The following ARFGEF3 variants were observed in gnomAD, a reference collection of about 807,000 sequenced individuals.
ARFGEF3 encodes ARFGEF family member 3, also known as brefeldin A-inhibited guanine nucleotide-exchange protein 3.
In ARFGEF3, 96 loss-of-function variants were observed where a neutral mutation model predicts 221.7. The ratio of observed to expected loss-of-function variants is 0.43; its 90% CI spans 0.37 to 0.51. ARFGEF3 has a LOEUF of 0.51. Ranked by LOEUF, ARFGEF3 falls within the 20% of genes least tolerant of loss-of-function variation. ARFGEF3 has a pLI of 0.00. For missense variants in ARFGEF3, 2,410 were observed against 2,789.9 expected, an observed-to-expected ratio of 0.86 and a Z score of 3.07; for synonymous variants, 1,145 against 1,126.8, an observed-to-expected ratio of 1.02 and a Z score of -0.32.
intron 12 of ARFGEF3, among the ~76,000 whole-genome samples, chr6:138,270,131 C>G (rs1778976564): frequency 6.6e-6 from 1 of 152,114 alleles, no homozygotes; most frequent in South Asian, 2.1e-4. Context: ...ACACAACAAC[C>G]TCAAGTTCAC....
At position 138,291,583 on chromosome 6, in the gene ARFGEF3, G is replaced by A. The variant is rs537922836; in HGVS notation, c.3048-150G>A. On this transcript the variant is annotated intron_variant, in intron 18 of 33. Coordinates refer to ENST00000251691, the MANE Select transcript of ARFGEF3 (RefSeq NM_020340.5). The surrounding 1 kb of genome is among the most constrained non-coding windows in gnomAD (Gnocchi z 4.5). ...TAATGCTGTGTGACATGAGAACACAGGAGGGAAGGACTGACTGTCATCACA... is the reference window on the plus strand; with the variant it reads ...TAATGCTGTGTGACATGAGAACACAAGAGGGAAGGACTGACTGTCATCACA... 8 of 445,374 alleles carry A rather than the reference G, an allele frequency of 1.8e-5. No homozygotes were observed. Among genetic ancestry groups the A allele is most frequent in the South Asian group, 2.3e-4 (2 of 8,824 alleles). 27.6% of individuals were successfully genotyped at this position (445,374 alleles called of 1,614,324 possible).
At chr6:138,245,935 C>A (rs953000948) in intron 8 of ARFGEF3, among the ~76,000 whole-genome samples, 4 of 152,168 alleles carry the variant, frequency 2.6e-5, no homozygotes, top group African/African-American at 9.7e-5. Flanking sequence ...CAGATCTCAG[C>A]TGTGTCCCGG....
intron 2 of ARFGEF3, among the ~76,000 whole-genome samples, chr6:138,203,035 T>C (rs1777564391): frequency 6.6e-6 from 1 of 152,096 alleles, no homozygotes; most frequent in South Asian, 2.1e-4. Context: ...GCAGAGCTCT[T>C]TACCCTAAGG....
At chr6:138,300,113 TAGTACA>T (rs1286741940) in intron 22 of ARFGEF3, among the ~76,000 whole-genome samples, 1 of 152,124 alleles carries the variant, frequency 6.6e-6, no homozygotes, top group African/African-American at 2.4e-5. Context: ...AAACAACAGA[TAGTACA>T]ACTAGAACTA....
rs1355287222 is a variant in ARFGEF3 at position 138,263,478 on chromosome 6, C to T, written c.1995C>T (p.Asn665=). 3.7e-6 allele frequency: 6 copies of T among 1,613,920 alleles called. No homozygotes were observed. The highest frequency in any genetic ancestry group is 3.3e-5 in the Admixed American group (2 of 60,032). The change falls in exon 12 of 34, where the codon AAC becomes AAT. Residue 665 remains asparagine, a synonymous_variant. Transcript: ENST00000251691. ...CCCTGTCTCTAAAACTGCTGAAGAA[C>T]CAGGAGGCGGATCAGCACAGCGCCA... ...TAALSLKLLK[N]QEADQHSARL... is the part of the protein sequence containing the mutation.
rs56707563 is a variant in ARFGEF3 at position 138,293,893 on chromosome 6, A to G, written c.3369-100A>G. 5.4e-3 allele frequency: 6,422 copies of G among 1,185,428 alleles called. 225 individuals carry two copies. In the African/African-American group the frequency reaches 0.087, roughly 16 times the overall value. The allele number at this position is 1,185,428 out of a possible 1,614,324, so 73.4% of individuals were successfully genotyped here. A position where few individuals can be genotyped will look rare whatever the true frequency, so the allele number is the denominator to read the frequency against. ...CATTTGTCTACAGTGTTTACACAGCATTTCCATTAATCACATCAACAAAAT... is the reference window on the plus strand; with the variant it reads ...CATTTGTCTACAGTGTTTACACAGCGTTTCCATTAATCACATCAACAAAAT... On this transcript the variant is annotated intron_variant, in intron 19 of 33. Transcript: ENST00000251691.
At chr6:138,321,417 C>T (rs1780025330) in intron 29 of ARFGEF3, among the ~76,000 whole-genome samples, 192 bp downstream of exon 29, 1 of 152,154 alleles carries the variant, frequency 6.6e-6, no homozygotes, top group Non-Finnish European at 1.5e-5. Flanking sequence ...TTGTATAAGA[C>T]ATTATACAAA....
intron 4 of ARFGEF3, among the ~76,000 whole-genome samples, chr6:138,228,925 G>A (rs1434753733): frequency 2.6e-5 from 4 of 152,246 alleles, no homozygotes; most frequent in Non-Finnish European, 5.9e-5. Flanking sequence ...TCAGAGCTAA[G>A]TGAAGAGGGA....
chr6:138,253,997 T>TCCTGACGC lies in ARFGEF3; in HGVS notation c.770+16_770+23dup, dbSNP rs1778627100. 6.5e-7 allele frequency: 1 copy of TCCTGACGC among 1,536,424 alleles called. No individual in the cohort carries two copies. Among genetic ancestry groups the TCCTGACGC allele is most frequent in the Non-Finnish European group, 8.7e-7 (1 of 1,143,208 alleles). On this transcript the variant is annotated intron_variant, in intron 9 of 33. Transcript: ENST00000251691. Reference sequence around the variant, plus strand: ...CGGACCTGATCTGGTGAGCACCCACTCCTGACGCCCCGACGCTGATGCCAA... The same window carrying TCCTGACGC: ...CGGACCTGATCTGGTGAGCACCCACTCCTGACGCCCTGACGCCCCGACGCTGATGCCAA...
intron 31 of ARFGEF3, among the ~76,000 whole-genome samples, chr6:138,326,236 T>C (rs975966358): frequency 6.6e-6 from 1 of 152,152 alleles, no homozygotes; most frequent in African/African-American, 2.4e-5. Flanking sequence ...AAATAACTCA[T>C]TATTCAAAAA....
At chr6:138,169,278 C>G (rs1417148423) in intron 1 of ARFGEF3, among the ~76,000 whole-genome samples, 2 of 152,196 alleles carry the variant, frequency 1.3e-5, no homozygotes, top group East Asian at 3.9e-4. Context: ...TCTCCTTGAC[C>G]TTTGGATGCT....
At position 138,263,216 on chromosome 6, in the gene ARFGEF3, T is replaced by C; in HGVS notation, c.1733T>C (p.Leu578Pro). 2 of 1,614,008 alleles carry C rather than the reference T, an allele frequency of 1.2e-6. No homozygotes were observed. The highest frequency in any genetic ancestry group is 1.7e-6 in the Non-Finnish European group (2 of 1,179,896). The change falls in exon 12 of 34, where the codon CTG (leucine) becomes CCG (proline). Residue 578 changes from leucine (L) to proline (P), a missense_variant. This residue lies in a region of ARFGEF3 where 594 missense variants were observed against 734.3 expected (regional missense o/e 0.81). Coordinates refer to ENST00000251691, the MANE Select transcript of ARFGEF3 (RefSeq NM_020340.5). ...CCTTACCCTGACATAACTAACTTCC[T>C]GTCAGTAGACTGCAGGACAAGGTCC... ...TVPYPDITNF[L>P]SVDCRTRSYG...
Position 138,336,398 on chromosome 6 carries a change from T to C in ARFGEF3, c.6446T>C (p.Leu2149Pro). 1 of 1,613,562 alleles carries C rather than the reference T, an allele frequency of 6.2e-7. No homozygotes were observed. The highest frequency in any genetic ancestry group is 8.5e-7 in the Non-Finnish European group (1 of 1,179,718). ...QPAVFPCISQ[L>P]TCHVTDIRVR... Reference sequence around the variant, plus strand: ...GCAGTGTTCCCGTGCATCAGTCAGCTGACCTGTCACGTGACCGACATCAGA... The same window carrying C: ...GCAGTGTTCCCGTGCATCAGTCAGCCGACCTGTCACGTGACCGACATCAGA... Residue 2149 changes from leucine (L) to proline (P), a missense_variant, in exon 34 of 34, where the codon CTG (leucine) becomes CCG (proline). Coordinates refer to ENST00000251691, the MANE Select transcript of ARFGEF3 (RefSeq NM_020340.5).
chr6:138,284,134 G>A (rs554731141), intron 14 of ARFGEF3, among the ~76,000 whole-genome samples: 62 of 152,134 alleles, frequency 4.1e-4, no homozygotes, highest in African/African-American at 1.4e-3. Context: ...GTGAAACCCC[G>A]TCTCTATTAA....
At chr6:138,246,870 G>A (rs1422144401) in intron 8 of ARFGEF3, among the ~76,000 whole-genome samples, 1 of 152,142 alleles carries the variant, frequency 6.6e-6, no homozygotes, top group East Asian at 1.9e-4. Flanking sequence ...GATGTGGATG[G>A]GTAGTGGGAG....
chr6:138,296,469 A>G (rs116550321), intron 20 of ARFGEF3, among the ~76,000 whole-genome samples: 2,174 of 152,298 alleles, frequency 0.014, 16 homozygotes, highest in African/African-American at 0.024. Flanking sequence ...TTGGCCCAGT[A>G]TAACACAACT....
intron 22 of ARFGEF3, among the ~76,000 whole-genome samples, chr6:138,301,990 G>C (rs1583057375): frequency 6.6e-6 from 1 of 151,860 alleles, no homozygotes. Flanking sequence ...CCTTAGTCTG[G>C]GGGGAAAAAA....
intron 2 of ARFGEF3, among the ~76,000 whole-genome samples, chr6:138,173,997 C>G (rs1416229998): frequency 6.6e-6 from 1 of 152,148 alleles, no homozygotes; most frequent in African/African-American, 2.4e-5. Flanking sequence ...ATCAAGCATT[C>G]TTGTACAGAG....
At chr6:138,189,310 A>T (rs1777249236) in intron 2 of ARFGEF3, among the ~76,000 whole-genome samples, 1 of 152,240 alleles carries the variant, frequency 6.6e-6, no homozygotes, top group East Asian at 1.9e-4. Flanking sequence ...TAGGAAACAT[A>T]AGTATTGACA....
Sources: gnomAD v4.1 joint callset for allele counts (sites outside exome capture counted in the v4.1 genomes callset) on GRCh38, gnomAD v4.1.1 for gene constraint, gnomAD v4.1.1 regional missense constraint, Gnocchi (gnomAD v3.1) non-coding constraint, MANE v1.5 for transcripts, NCBI Gene and HGNC (gene_info 2026-07-23, HGNC 2026-07-21) for gene names.